The following MNS1 variants were observed in gnomAD, a reference collection of about 807,000 sequenced individuals.
MNS1 encodes meiosis specific nuclear structural 1, also known as meiosis-specific nuclear structural protein 1.
A neutral mutation model predicts 72.0 loss-of-function variants in MNS1; 63 were observed. The ratio of observed to expected loss-of-function variants is 0.87; its 90% CI spans 0.71 to 1.08. The LOEUF (loss-of-function observed/expected upper bound fraction) is 1.08. Ranked by LOEUF, MNS1 falls within the 50% of genes least tolerant of loss-of-function variation. The pLI, the probability that MNS1 is intolerant of heterozygous loss-of-function variation, is 0.00. For synonymous variants in MNS1, 188 were observed against 172.1 expected (o/e 1.09, Z -0.72); for missense variants, 604 against 562.4 (o/e 1.07, Z -0.75).
intron 2 of MNS1, 44 bp from the exon 3 acceptor site, chr15:56,456,565 AT>A (rs775721945): frequency 1.0e-4 from 159 of 1,584,590 alleles, no homozygotes; most frequent in Non-Finnish European, 1.3e-4. Context: ...CTAGAATCAG[AT>A]TTTTTTCATC....
intron 7 of MNS1, among the ~76,000 whole-genome samples, chr15:56,438,351 AAGAC>A (rs1233615810): frequency 1.3e-5 from 2 of 152,114 alleles, no homozygotes; most frequent in African/African-American, 2.4e-5. Context: ...TGTTACAAAA[AAGAC>A]AGGTTTGTTA....
intron 2 of MNS1, among the ~76,000 whole-genome samples, chr15:56,457,235 A>T (rs1307243974): frequency 2.6e-5 from 4 of 152,206 alleles, no homozygotes; most frequent in Non-Finnish European, 5.9e-5. Flanking sequence ...TCCCCAGGAT[A>T]TATCACTGAA....
intron 7 of MNS1, among the ~76,000 whole-genome samples, chr15:56,437,226 G>A (rs1168336444): frequency 2.0e-5 from 3 of 152,136 alleles, no homozygotes; most frequent in Non-Finnish European, 2.9e-5. Context: ...ATAAAATACT[G>A]GCAAACCAAA....
Position 56,434,204 on chromosome 15 carries a change from C to G in MNS1, c.1203G>C (p.Gln401His). The G allele has an allele frequency of 1.9e-6, 3 of 1,613,934 alleles. No homozygotes were observed. The highest frequency in any genetic ancestry group is 2.5e-6 in the Non-Finnish European group (3 of 1,179,880). The part of the protein sequence containing the change: ...LMNAQKQRMK[Q>H]LEHRRAVEKL... ...TTTCCACAGCCCTCCTGTGTTCCAGCTGCTTCATTCTTTGTTTCTGAGCAT... is the reference window on the plus strand; with the variant it reads ...TTTCCACAGCCCTCCTGTGTTCCAGGTGCTTCATTCTTTGTTTCTGAGCAT... Residue 401 changes from glutamine to histidine, a missense_variant, in exon 8 of 10, where the codon CAG becomes CAC. Transcript: ENST00000260453.
chr15:56,445,486 G>A (rs1219151132), intron 4 of MNS1, among the ~76,000 whole-genome samples: 3 of 151,988 alleles, frequency 2.0e-5, no homozygotes, highest in Admixed American at 2.0e-4. Context: ...TATGAATACT[G>A]AATGTCATTC....
intron 7 of MNS1, among the ~76,000 whole-genome samples, chr15:56,437,776 T>C (rs2140341022): frequency 6.6e-6 from 1 of 152,276 alleles, no homozygotes; most frequent in Non-Finnish European, 1.5e-5. Flanking sequence ...AGTCTCAGGA[T>C]ACAAAATCAA....
chr15:56,463,972 T>C, intron 2 of MNS1, 54 bp downstream of exon 2: 1 of 1,412,050 alleles, frequency 7.1e-7, no homozygotes, highest in Non-Finnish European at 9.7e-7. Flanking sequence ...CTGACTTTCA[T>C]CGTTTCCAAG....
chr15:56,430,315 T>TA (rs1351239642), intron 9 of MNS1, among the ~76,000 whole-genome samples: 4 of 152,264 alleles, frequency 2.6e-5, no homozygotes, highest in Admixed American at 2.6e-4. Context: ...CAAGCAATCT[T>TA]CCAACCTCAG....
chr15:56,443,387 ATTC>A, intron 7 of MNS1, 40 bp downstream of exon 7: 1 of 1,389,484 alleles, frequency 7.2e-7, no homozygotes, highest in East Asian at 2.4e-5. Flanking sequence ...TCAAAATTAT[ATTC>A]TTCTCTACAT....
At chr15:56,457,742 G>A (rs559909323) in intron 2 of MNS1, among the ~76,000 whole-genome samples, 1 of 151,846 alleles carries the variant, frequency 6.6e-6, no homozygotes, top group African/African-American at 2.4e-5. Context: ...CGGAGACCAG[G>A]AGTTCAAGGC....
rs754980290 is a variant in MNS1 at position 56,444,478 on chromosome 15, C to T, written c.652G>A (p.Glu218Lys). The T allele has an allele frequency of 2.5e-6, 4 of 1,607,620 alleles. No individual in the cohort carries two copies. Among genetic ancestry groups the T allele is most frequent in the Admixed American group, 3.4e-5 (2 of 59,288 alleles). ...QLLKEKLMIDEIVRKIYEEDQ... is the reference protein window; with the variant it reads ...QLLKEKLMIDKIVRKIYEEDQ... ...TCTTCATAGATCTTCCTAACAATTT[C>T]ATCAATCATGAGTTTCTCTTTTAGC... The change falls in exon 5 of 10, where the codon GAA becomes AAA. Residue 218 changes from glutamate (E) to lysine (K), a missense_variant. Glu to Lys is a moderately conservative substitution (Grantham distance 56). Coordinates refer to ENST00000260453, the MANE Select transcript of MNS1 (RefSeq NM_018365.4).
Position 56,459,990 on chromosome 15 carries a change from CAA to C in MNS1, c.226-3471_226-3470del, listed in dbSNP as rs150132300. Among the ~76,000 whole-genome samples, 35 of 11,114 alleles carry C rather than the reference CAA, an allele frequency of 3.1e-3. 4 individuals carry two copies. The highest frequency in any genetic ancestry group is 7.3e-3 in the Admixed American group (5 of 686). 7.3% of individuals were successfully genotyped at this position (11,114 alleles called of 152,430 possible). A position where few individuals can be genotyped will look rare whatever the true frequency, so the allele number is the denominator to read the frequency against. ...GGGCAACAAGAGCGAAATTCTGTCT[CAA>C]AAAAAAAAAAAAAAAAAATACATAT... On this transcript the variant is annotated intron_variant, in intron 2 of 9. Coordinates refer to ENST00000260453, the MANE Select transcript of MNS1 (RefSeq NM_018365.4).
In MNS1 at chr15:56,431,527, A is replaced by G. The variant is rs538324557; in HGVS notation, c.1270-29T>C. 4.3e-6 allele frequency: 7 copies of G among 1,612,190 alleles called. No individual in the cohort carries two copies. In the African/African-American group the frequency reaches 9.3e-5, roughly 22 times the overall value. On this transcript the variant is annotated intron_variant, in intron 8 of 9. Coordinates refer to ENST00000260453, the MANE Select transcript of MNS1 (RefSeq NM_018365.4). The stretch of plus-strand genomic sequence containing the variant: ...GAAATGCAGATCAAATTTTGTTATC[A>G]CAAAGTACATTAATCTTATACGAAG...
At chr15:56,460,009 A>AAAAAAAAAATATATATATATAT in intron 2 of MNS1, among the ~76,000 whole-genome samples, 3 of 26,380 alleles carry the variant, frequency 1.1e-4, no homozygotes, top group Non-Finnish European at 2.1e-4. Context: ...AAAAAAAAAA[A>AAAAAAAAAATATATATATATAT]ATACATATAT....
chr15:56,463,992 G>GA (rs202188733), intron 2 of MNS1, 34 bp downstream of exon 2: 454 of 1,522,942 alleles, frequency 3.0e-4, no homozygotes, highest in Non-Finnish European at 3.4e-4. Context: ...GGTGCAAAAT[G>GA]AAAAAAAAAG....
At chr15:56,437,555 C>T (rs1287774276) in intron 7 of MNS1, among the ~76,000 whole-genome samples, 8 of 152,108 alleles carry the variant, frequency 5.3e-5, no homozygotes, top group African/African-American at 1.9e-4. Context: ...AAAACTGGCA[C>T]AAGACAGGGA....
intron 2 of MNS1, among the ~76,000 whole-genome samples, chr15:56,457,440 T>C (rs1422830337): frequency 1.3e-5 from 2 of 152,216 alleles, no homozygotes; most frequent in Non-Finnish European, 2.9e-5. Flanking sequence ...CAACACCAGA[T>C]GCTGGCAAGA....
chr15:56,428,905 TATCAGTACAAAAATAACAGC>T lies in MNS1; in HGVS notation c.*176_*195del. 1 of 516,840 alleles carries T rather than the reference TATCAGTACAAAAATAACAGC, an allele frequency of 1.9e-6. No homozygotes were observed. The highest frequency in any genetic ancestry group is 3.4e-5 in the East Asian group (1 of 29,108). 32.0% of individuals were successfully genotyped at this position (516,840 alleles called of 1,614,324 possible). ...TGTTGTAGAAATCGGATTTTGAAATTATCAGTACAAAAATAACAGCTTGATTAAAATTAATTTGTATCTGA... is the reference window on the plus strand; with the variant it reads ...TGTTGTAGAAATCGGATTTTGAAATTTTGATTAAAATTAATTTGTATCTGA... On this transcript the variant is annotated 3_prime_UTR_variant, in exon 10 of 10. Transcript: ENST00000260453.
rs1179890951 is a variant in MNS1 at position 56,464,094 on chromosome 15, G to A, written c.157C>T (p.Arg53Cys). ...VQNENDNRVQ[R>C]KQFLRLLQNE... ...TGTAATAATCTGAGAAATTGCTTGCGCTGAACACGGTTATCATTTTCATTC... is the reference window on the plus strand; with the variant it reads ...TGTAATAATCTGAGAAATTGCTTGCACTGAACACGGTTATCATTTTCATTC... The change falls in exon 2 of 10, where the codon CGC becomes TGC. Residue 53 changes from arginine to cysteine, a missense_variant. Coordinates refer to ENST00000260453, the MANE Select transcript of MNS1 (RefSeq NM_018365.4). 1 of 1,613,944 alleles carries A rather than the reference G, an allele frequency of 6.2e-7. No individual in the cohort carries two copies. Among genetic ancestry groups the A allele is most frequent in the Non-Finnish European group, 8.5e-7 (1 of 1,179,996 alleles).
Sources: gnomAD v4.1 joint callset for allele counts (sites outside exome capture counted in the v4.1 genomes callset) on GRCh38, gnomAD v4.1.1 for gene constraint, MANE v1.5 for transcripts, NCBI Gene and HGNC (gene_info 2026-07-23, HGNC 2026-07-21) for gene names.